The following SGCD variants were observed in gnomAD, a reference collection of about 807,000 sequenced individuals.
SGCD encodes sarcoglycan delta.
SGCD carries 18 observed loss-of-function variants against 36.6 expected under a neutral mutation model. That is an observed-to-expected ratio of 0.49 (90% CI 0.34 to 0.73). The LOEUF is 0.73. SGCD is among the 30% of genes least tolerant of loss of function. SGCD has a pLI of 0.01. For missense variants in SGCD, 387 were observed against 346.7 expected, an observed-to-expected ratio of 1.12 and a Z score of -0.92; for synonymous variants, 133 against 130.6, an observed-to-expected ratio of 1.02 and a Z score of -0.12.
intron 7 of SGCD, among the ~76,000 whole-genome samples, chr5:156,677,638 G>C (rs1753565565): frequency 6.6e-6 from 1 of 151,990 alleles, no homozygotes; most frequent in African/African-American, 2.4e-5. Context: ...GTACACATAT[G>C]TAACAAACCT....
chr5:156,612,890 C>A (rs1194310982), intron 6 of SGCD, among the ~76,000 whole-genome samples: 2 of 152,190 alleles, frequency 1.3e-5, no homozygotes, highest in Admixed American at 6.5e-5. Context: ...CTCAACTCCC[C>A]AAATTGCATT....
At position 156,006,542 on chromosome 5, in the gene SGCD, C is replaced by T. The variant is rs74391226; in HGVS notation, c.-281-111336C>T. Among the ~76,000 whole-genome samples the T allele has an allele frequency of 3.5e-3, 529 of 152,192 alleles. 3 individuals are homozygous for T. The highest frequency in any genetic ancestry group is 9.8e-3 in the African/African-American group (406 of 41,532). Reference sequence around the variant, plus strand: ...GCCATGCCATGTATCTAATCATTTCCCATAGCTGAGAGCCGGAAAATATTT... The same window carrying T: ...GCCATGCCATGTATCTAATCATTTCTCATAGCTGAGAGCCGGAAAATATTT... On this transcript the variant is annotated intron_variant, in intron 1 of 9. Coordinates refer to the SGCD transcript ENST00000517913.
intron 3 of SGCD, among the ~76,000 whole-genome samples, chr5:156,203,822 C>T (rs1474448771): frequency 1.3e-5 from 2 of 152,076 alleles, no homozygotes; most frequent in African/African-American, 4.8e-5. Flanking sequence ...GGCAGTGCTC[C>T]ATCCAGTACT....
chr5:156,610,256 C>G (rs939828942), intron 6 of SGCD, among the ~76,000 whole-genome samples: 1 of 152,178 alleles, frequency 6.6e-6, no homozygotes, highest in Non-Finnish European at 1.5e-5. Context: ...AGTTTTCCTT[C>G]TAACAGTCAG....
chr5:156,073,332 A>G (rs1481263262), intron 1 of SGCD, among the ~76,000 whole-genome samples: 3 of 152,104 alleles, frequency 2.0e-5, no homozygotes, highest in African/African-American at 7.2e-5. Context: ...CCAAGGTGGG[A>G]GGATTACTTT....
upstream of SGCD, among the ~76,000 whole-genome samples, chr5:156,323,897 A>G (rs1338331646): frequency 6.6e-6 from 1 of 152,220 alleles, no homozygotes; most frequent in African/African-American, 2.4e-5. Flanking sequence ...GTACAGTCCT[A>G]TCGTATTAAA....
chr5:156,466,419 G>A (rs1024024039), intron 3 of SGCD, among the ~76,000 whole-genome samples: 3 of 152,112 alleles, frequency 2.0e-5, no homozygotes, highest in Non-Finnish European at 2.9e-5. Flanking sequence ...ACTATCGGGC[G>A]TTCAATTGGT....
At chr5:155,732,666 AAC>A in the SGCD span, among the ~76,000 whole-genome samples, 2 of 152,148 alleles carry the variant, frequency 1.3e-5, no homozygotes, top group African/African-American at 4.8e-5. Flanking sequence ...TCTTAGTCAA[AAC>A]ACAAGTTGCT....
chr5:156,605,678 G>A (rs886596945), intron 6 of SGCD, among the ~76,000 whole-genome samples: 1 of 152,176 alleles, frequency 6.6e-6, no homozygotes, highest in Non-Finnish European at 1.5e-5. Flanking sequence ...GTGTAAAAGT[G>A]TTCCTATTTC....
intron 3 of SGCD, among the ~76,000 whole-genome samples, chr5:156,443,052 T>C (rs1355673560): frequency 6.6e-6 from 1 of 152,142 alleles, no homozygotes; most frequent in Non-Finnish European, 1.5e-5. Context: ...TGGGTCAATC[T>C]CAGCTCACTG....
intron 1 of SGCD, among the ~76,000 whole-genome samples, chr5:156,106,046 G>T (rs372872082): frequency 1.5e-3 from 219 of 145,382 alleles, no homozygotes; most frequent in African/African-American, 5.1e-3. Context: ...GGAGGTGGAG[G>T]TTGCAGTGAG....
At chr5:155,894,470 A>C (rs1580976537) in intron 1 of SGCD, among the ~76,000 whole-genome samples, 1 of 152,206 alleles carries the variant, frequency 6.6e-6, no homozygotes, top group African/African-American at 2.4e-5. Context: ...GGTACAAAAC[A>C]GAAGTCCCCA....
At position 156,765,621 on chromosome 5, in the gene SGCD, C is replaced by G. The variant is rs1342806576; in HGVS notation, c.*6231C>G. On this transcript the variant is annotated 3_prime_UTR_variant, in exon 9 of 9. Transcript: ENST00000337851. ...GTGCTAAACATTTTACATACATTCT[C>G]CTATTTCATCCTCAAAACAATCCTT... The G allele has an allele frequency of 6.6e-6, 1 of 152,172 alleles. No individual in the cohort carries two copies. Among genetic ancestry groups the G allele is most frequent in the South Asian group, 2.1e-4 (1 of 4,818 alleles). The allele number at this position is 152,172 out of a possible 1,614,324, so 9.4% of individuals were successfully genotyped here.
chr5:156,376,652 A>AT lies in SGCD; in HGVS notation c.192+31984dup, dbSNP rs900155210. Among the ~76,000 whole-genome samples the AT allele has an allele frequency of 1.8e-4, 28 of 151,496 alleles. No homozygotes were observed. In the South Asian group the frequency reaches 3.3e-3, roughly 18 times the overall value. ...GAATAAAATGGTTTATGTGCATCAG[A>AT]TTTTTTTTTATTGGTTACTAATCAA... On this transcript the variant is annotated intron_variant, in intron 3 of 8. Transcript: ENST00000337851.
intron 1 of SGCD, among the ~76,000 whole-genome samples, chr5:156,025,418 C>T (rs755196877): frequency 1.3e-5 from 2 of 152,160 alleles, no homozygotes; most frequent in African/African-American, 2.4e-5. Context: ...CACTAAAAAT[C>T]CTTACCACTC....
chr5:156,087,585 A>G (rs548759723), intron 1 of SGCD, among the ~76,000 whole-genome samples: 1 of 148,950 alleles, frequency 6.7e-6, no homozygotes, highest in Admixed American at 6.8e-5. Flanking sequence ...GGTTGCAGTG[A>G]GCCGAGATCG....
intron 1 of SGCD, among the ~76,000 whole-genome samples, chr5:155,936,362 A>T (rs1465569873): frequency 6.6e-6 from 1 of 152,072 alleles, no homozygotes; most frequent in Admixed American, 6.5e-5. Flanking sequence ...CGACCCTGGG[A>T]TGGATAGCTC....
intron 3 of SGCD, among the ~76,000 whole-genome samples, chr5:156,302,121 C>T (rs1179555201): frequency 6.6e-6 from 1 of 152,106 alleles, no homozygotes; most frequent in Non-Finnish European, 1.5e-5. Flanking sequence ...TCTCTATCTC[C>T]TCTGTAAGGC....
chr5:156,307,046 T>C (rs1345046086), intron 3 of SGCD, among the ~76,000 whole-genome samples: 1 of 149,922 alleles, frequency 6.7e-6, no homozygotes, highest in African/African-American at 2.4e-5. Flanking sequence ...GTTTTCTTTT[T>C]TTTTTTTTTT....
Sources: gnomAD v4.1 joint callset for allele counts (sites outside exome capture counted in the v4.1 genomes callset) on GRCh38, gnomAD v4.1.1 for gene constraint, MANE v1.5 for transcripts, NCBI Gene and HGNC (gene_info 2026-07-23, HGNC 2026-07-21) for gene names.